The following TIAM1 variants were observed in gnomAD, a reference collection of about 807,000 sequenced individuals.
TIAM1 encodes TIAM Rac1 associated GEF 1, also known as rho guanine nucleotide exchange factor TIAM1.
In TIAM1, 65 loss-of-function variants were observed where a neutral mutation model predicts 163.5. The observed-to-expected ratio is 0.40, with a 90% CI of 0.33 to 0.49. The LOEUF (loss-of-function observed/expected upper bound fraction) is 0.49, where lower values mean the gene tolerates loss of function less well. Among genes scored for constraint, TIAM1 ranks in the 20% least tolerant of loss-of-function variants. The pLI is 0.77. For synonymous variants in TIAM1, 833 were observed against 810.1 expected, an observed-to-expected ratio of 1.03 and a Z score of -0.48; for missense variants, 1,789 against 2,044.7, an observed-to-expected ratio of 0.87 and a Z score of 2.41.
At chr21:31,144,097 T>A (rs972212533) in intron 20 of TIAM1, among the ~76,000 whole-genome samples, 2 of 152,196 alleles carry the variant, frequency 1.3e-5, no homozygotes, top group Admixed American at 6.5e-5. Context: ...AATCTTGTTA[T>A]CCCTTTTAAG....
At chr21:31,520,200 G>A (rs949702698) in intron 1 of TIAM1, among the ~76,000 whole-genome samples, 7 of 151,926 alleles carry the variant, frequency 4.6e-5, no homozygotes, top group Admixed American at 1.3e-4. Flanking sequence ...GTGTGGTGGC[G>A]CATGCCTATA....
intron 2 of TIAM1, among the ~76,000 whole-genome samples, chr21:31,386,153 G>A (rs547444650): frequency 6.6e-5 from 10 of 152,082 alleles, no homozygotes; most frequent in Non-Finnish European, 1.0e-4. Context: ...AGCAGCCTGC[G>A]CCAGCTATCT....
At chr21:31,295,329 G>A (rs942500338) in intron 2 of TIAM1, among the ~76,000 whole-genome samples, 2 of 152,080 alleles carry the variant, frequency 1.3e-5, no homozygotes, top group Admixed American at 6.5e-5. Context: ...AATTAGTTGG[G>A]CGTGGTGGCA....
intron 8 of TIAM1, among the ~76,000 whole-genome samples, chr21:31,221,463 A>AT (rs1320610272): frequency 6.6e-6 from 1 of 152,220 alleles, no homozygotes; most frequent in East Asian, 1.9e-4. Context: ...CCAAATTTTA[A>AT]TAGCCTGCCC....
chr21:31,152,838 T>C, intron 18 of TIAM1, 77 bp from the exon 19 acceptor site: 8 of 1,540,128 alleles, frequency 5.2e-6, no homozygotes, highest in Non-Finnish European at 7.0e-6. Flanking sequence ...GATTACAAGG[T>C]TTTTCTATCA....
chr21:31,496,754 C>T (rs1037949020), intron 1 of TIAM1, among the ~76,000 whole-genome samples: 1 of 152,140 alleles, frequency 6.6e-6, no homozygotes, highest in East Asian at 1.9e-4. Context: ...CCTGCAAGCT[C>T]CACTCATGGC....
intron 2 of TIAM1, among the ~76,000 whole-genome samples, chr21:31,286,821 G>A (rs2251255): frequency 0.12 from 18,256 of 152,158 alleles, 1,706 homozygotes; most frequent in East Asian, 0.42. Flanking sequence ...TGAAACTTGA[G>A]GACTTTGTCA....
At position 31,181,737 on chromosome 21, in the gene TIAM1, ACTT is replaced by A. The variant is rs1464345944; in HGVS notation, c.2887+681_2887+683del. Among the ~76,000 whole-genome samples the A allele has an allele frequency of 2.3e-3, 168 of 73,864 alleles. 14 individuals are homozygous for A. Among genetic ancestry groups the A allele is most frequent in the African/African-American group, 4.3e-3 (79 of 18,366 alleles). 48.5% of individuals were successfully genotyped at this position (73,864 alleles called of 152,430 possible). A position where few individuals can be genotyped will look rare whatever the true frequency, so the allele number is the denominator to read the frequency against. ...CTCAGCATCTTATGTGATTCCCAGC[ACTT>A]CTTCTTCTTCTTCTTCTTTTTTTTT... On this transcript the variant is annotated intron_variant, in intron 15 of 27. Coordinates refer to ENST00000541036, the MANE Select transcript of TIAM1 (RefSeq NM_001353694.2).
intron 15 of TIAM1, among the ~76,000 whole-genome samples, chr21:31,173,834 C>T (rs2084637197): frequency 6.6e-6 from 1 of 152,096 alleles, no homozygotes; most frequent in African/African-American, 2.4e-5. Context: ...TTAAAAATAT[C>T]AAAATAGAGC....
intron 2 of TIAM1, among the ~76,000 whole-genome samples, chr21:31,284,294 G>A (rs973465419): frequency 1.3e-5 from 2 of 152,126 alleles, no homozygotes; most frequent in African/African-American, 4.8e-5. Context: ...GTTTAGAAGA[G>A]ATGTCAAAAT....
intron 2 of TIAM1, among the ~76,000 whole-genome samples, chr21:31,438,038 G>A (rs1313028670): frequency 6.6e-6 from 1 of 152,102 alleles, no homozygotes; most frequent in Non-Finnish European, 1.5e-5. Flanking sequence ...CTTCCAAGAT[G>A]ATGCTGCAGG....
intron 1 of TIAM1, among the ~76,000 whole-genome samples, chr21:31,482,191 G>A (rs1338912517): frequency 2.0e-5 from 3 of 149,888 alleles, no homozygotes; most frequent in Non-Finnish European, 3.0e-5. Context: ...TTGCTCTGTC[G>A]CTCAGGCTGG....
intron 2 of TIAM1, among the ~76,000 whole-genome samples, chr21:31,298,927 A>G (rs1056130467): frequency 3.3e-5 from 5 of 152,182 alleles, no homozygotes; most frequent in African/African-American, 1.2e-4. Context: ...AGTCAGAGAA[A>G]GAAGCAAATA....
chr21:31,315,984 A>T (rs1427085814), intron 2 of TIAM1, among the ~76,000 whole-genome samples: 2 of 152,204 alleles, frequency 1.3e-5, no homozygotes, highest in East Asian at 3.9e-4. Context: ...CTCAAAAAAT[A>T]AACCTGCGAT....
intron 1 of TIAM1, among the ~76,000 whole-genome samples, chr21:31,519,875 C>T (rs1044758251): frequency 8.5e-5 from 13 of 152,072 alleles, no homozygotes; most frequent in Admixed American, 4.6e-4. Context: ...AGTAGAATGG[C>T]GGTGCCAGGG....
chr21:31,120,711 C>T lies in TIAM1; in HGVS notation c.4433G>A (p.Gly1478Glu). 6.2e-7 allele frequency: 1 copy of T among 1,614,066 alleles called. No individual in the cohort carries two copies. Among genetic ancestry groups the T allele is most frequent in the Non-Finnish European group, 8.5e-7 (1 of 1,180,028 alleles). The change falls in exon 28 of 28, where the codon GGG becomes GAG. Residue 1478 changes from glycine to glutamate, a missense_variant. Gly to Glu is a moderately conservative substitution (Grantham distance 98, BLOSUM62 -2). Around this residue, in one of 5 missense-constraint regions of TIAM1, gnomAD observed 415 missense variants for 439.2 expected, o/e 0.94. Coordinates refer to ENST00000541036, the MANE Select transcript of TIAM1 (RefSeq NM_001353694.2). This position sits in a 1 kb window ranked among gnomAD's most constrained non-coding sequence, Gnocchi z 4.2. Reference sequence around the variant, plus strand: ...CTCCTCTACCCATCGGTCAGTGTCCCCACCACCGGGGGGCTGCTGGGACTC... The same window carrying T: ...CTCCTCTACCCATCGGTCAGTGTCCTCACCACCGGGGGGCTGCTGGGACTC... ...EKESQQPPGG[G>E]DTDRWVEEQF...
chr21:31,187,596 G>C (rs1252896860), intron 13 of TIAM1, among the ~76,000 whole-genome samples: 1 of 152,066 alleles, frequency 6.6e-6, no homozygotes, highest in Non-Finnish European at 1.5e-5. Flanking sequence ...TCTGTAATGT[G>C]AATTACACAT....
intron 5 of TIAM1, among the ~76,000 whole-genome samples, chr21:31,248,165 T>C (rs968811414): frequency 2.0e-5 from 3 of 152,160 alleles, no homozygotes; most frequent in Non-Finnish European, 4.4e-5. Flanking sequence ...AATTCAACAC[T>C]AATGAAAAGT....
At chr21:31,148,004 CAAAAAAAAAAAAAAAA>C (rs34410316) in intron 19 of TIAM1, among the ~76,000 whole-genome samples, 1 of 63,792 alleles carries the variant, frequency 1.6e-5, no homozygotes, top group African/African-American at 5.9e-5. Flanking sequence ...TGTCCATGAC[CAAAAAAAAAAAAAAAA>C]AAAAAAAAGG....
Sources: allele counts gnomAD v4.1 joint callset (sites outside exome capture counted in the v4.1 genomes callset), GRCh38; gene constraint gnomAD v4.1.1; regional missense constraint gnomAD v4.1.1; non-coding constraint Gnocchi (gnomAD v3.1); transcripts MANE v1.5; gene names NCBI Gene and HGNC (gene_info 2026-07-23, HGNC 2026-07-21).